Variants in RP2 observed in about 807,000 individuals in gnomAD.
The protein encoded by RP2 is RP2 activator of ARL3 GTPase.
In RP2, 3 loss-of-function variants were observed where a neutral mutation model predicts 20.3. The observed-to-expected ratio is 0.15, with a 90% CI of 0.07 to 0.38. The LOEUF (loss-of-function observed/expected upper bound fraction) is 0.38. Ranked by LOEUF, RP2 falls within the 10% of genes least tolerant of loss-of-function variation. RP2 has a pLI of 1.00. For synonymous variants in RP2, 75 were observed against 94.8 expected (o/e 0.79, Z 1.22); for missense variants, 233 against 268.5 (o/e 0.87, Z 0.92).
At chrX:46,875,804 AT>A (rs1925365889) in intron 3 of RP2, among the ~76,000 whole-genome samples, 1 of 110,810 alleles carries the variant, frequency 9.0e-6, no homozygotes, top group Non-Finnish European at 1.9e-5. Flanking sequence ...GGAATCATCT[AT>A]TTTTCTAAGA....
rs781989198 is a variant in RP2, at chrX:46,849,411, T to A, written c.103-4065T>A. Among the ~76,000 whole-genome samples the A allele has an allele frequency of 1.1e-4, 12 of 110,600 alleles. No homozygotes were observed. In the South Asian group the frequency reaches 4.6e-3, roughly 43 times the overall value. On this transcript the variant is annotated intron_variant, in intron 1 of 4. Transcript: ENST00000218340. The stretch of plus-strand genomic sequence containing the variant: ...CACCAACTCACTTCAAATAATCTGC[T>A]AAGTTTTAAAAAACTTTTTTAGAGC...
chrX:46,853,635 A>C lies in RP2; in HGVS notation c.262A>C (p.Asn88His). Residue 88 changes from asparagine to histidine, a missense_variant, in exon 2 of 5, where the codon AAC becomes CAC. Around this residue, in one of 3 missense-constraint regions of RP2, gnomAD observed 77 missense variants for 71.8 expected, o/e 1.07. Transcript: ENST00000218340. Reference protein sequence around the residue: ...SATVTIDDCTNCIIFLGPVKG... With the variant: ...SATVTIDDCTHCIIFLGPVKG... ...TACAGTTACCATTGATGACTGTACTAACTGCATAATTTTTCTGGGACCCGT... is the reference window on the plus strand; with the variant it reads ...TACAGTTACCATTGATGACTGTACTCACTGCATAATTTTTCTGGGACCCGT... The C allele has an allele frequency of 8.3e-7, 1 of 1,211,840 alleles. No individual in the cohort carries two copies. The highest frequency in any genetic ancestry group is 2.3e-4 in the Middle Eastern group (1 of 4,356).
intron 1 of RP2, among the ~76,000 whole-genome samples, chrX:46,838,730 T>C (rs1329743237): frequency 1.8e-5 from 2 of 112,481 alleles, no homozygotes; most frequent in East Asian, 5.5e-4. Flanking sequence ...CTCATGTTAA[T>C]CCTTCTTTTA....
chrX:46,858,254 T>C (rs1262293826), intron 2 of RP2, among the ~76,000 whole-genome samples: 3 of 111,722 alleles, frequency 2.7e-5, no homozygotes, highest in African/African-American at 9.8e-5. Flanking sequence ...GTTCTATGGA[T>C]TTAACAGTGA....
At chrX:46,857,350 A>C (rs905623163) in intron 2 of RP2, among the ~76,000 whole-genome samples, 2 of 111,506 alleles carry the variant, frequency 1.8e-5, no homozygotes, top group African/African-American at 6.5e-5. Context: ...TCACGAGGTC[A>C]GGAGTTCAAG....
intron 1 of RP2, among the ~76,000 whole-genome samples, chrX:46,844,824 C>A (rs908274509): frequency 2.7e-5 from 3 of 111,558 alleles, no homozygotes; most frequent in Non-Finnish European, 3.8e-5. Context: ...ATTTCTCCAC[C>A]TCCTCTCCAG....
intron 2 of RP2, among the ~76,000 whole-genome samples, chrX:46,859,533 T>A (rs1172371507): frequency 2.8e-5 from 3 of 109,053 alleles, no homozygotes; most frequent in Non-Finnish European, 5.7e-5. Flanking sequence ...AAAAGTAAAA[T>A]TAACATTATT....
At chrX:46,865,169 A>C (rs1925148890) in intron 3 of RP2, among the ~76,000 whole-genome samples, 1 of 112,068 alleles carries the variant, frequency 8.9e-6, no homozygotes, top group Admixed American at 9.5e-5. Context: ...ACTTTATTCA[A>C]ATTTTACCAG....
At chrX:46,839,565 T>A (rs906374263) in intron 1 of RP2, among the ~76,000 whole-genome samples, 6 of 109,971 alleles carry the variant, frequency 5.5e-5, no homozygotes, top group South Asian at 3.8e-4. Context: ...AAAAAAAAAA[T>A]AAATAAATAA....
rs1375742517 is a variant in RP2, at chrX:46,881,989, TTC to T, written c.*2222_*2223del. Reference sequence around the variant, plus strand: ...AACCAAAGCTTAAAATTTTGTATTCTTCTGTTAGATAAGACCTTTTACCCATT... The same window carrying T: ...AACCAAAGCTTAAAATTTTGTATTCTTGTTAGATAAGACCTTTTACCCATT... On this transcript the variant is annotated 3_prime_UTR_variant, in exon 5 of 5. Transcript: ENST00000218340. The T allele has an allele frequency of 8.9e-6, 1 of 111,972 alleles. No individual in the cohort carries two copies. Among genetic ancestry groups the T allele is most frequent in the African/African-American group, 3.2e-5 (1 of 30,851 alleles). The allele number at this position is 111,972 out of a possible 1,213,427, so 9.2% of individuals were successfully genotyped here.
At chrX:46,859,067 G>A (rs782674663) in intron 2 of RP2, among the ~76,000 whole-genome samples, 1 of 111,300 alleles carries the variant, frequency 9.0e-6, no homozygotes, top group Non-Finnish European at 1.9e-5. Flanking sequence ...TACCTACTTC[G>A]TGAGAGGGTT....
chrX:46,861,439 C>T (rs1925060132), intron 3 of RP2, among the ~76,000 whole-genome samples: 2 of 111,798 alleles, frequency 1.8e-5, no homozygotes, highest in South Asian at 3.7e-4. Flanking sequence ...GTCTTAAAAA[C>T]AAGAGATGCC....
chrX:46,859,067 G>T (rs782674663), intron 2 of RP2, among the ~76,000 whole-genome samples: 1 of 111,300 alleles, frequency 9.0e-6, no homozygotes, highest in Non-Finnish European at 1.9e-5. Context: ...TACCTACTTC[G>T]TGAGAGGGTT....
chrX:46,847,746 G>GTGTGTGTGTATATACACACA (rs1569531374), intron 1 of RP2, among the ~76,000 whole-genome samples: 7 of 79,237 alleles, frequency 8.8e-5, no homozygotes, highest in Non-Finnish European at 1.4e-4. Context: ...ACACACATAT[G>GTGTGTGTGTATATACACACA]TGTGTGTGTA....
At chrX:46,858,726 G>A (rs1925012537) in intron 2 of RP2, among the ~76,000 whole-genome samples, 3 of 111,174 alleles carry the variant, frequency 2.7e-5, no homozygotes, top group Admixed American at 1.9e-4. Flanking sequence ...TCCCACCTTG[G>A]CCTCTCAGAG....
chrX:46,864,451 A>G (rs1396146374), intron 3 of RP2, among the ~76,000 whole-genome samples: 1 of 106,321 alleles, frequency 9.4e-6, no homozygotes, highest in South Asian at 4.3e-4. Context: ...GGCTCAAGCA[A>G]TCCTCCCACC....
Position 46,854,046 on chromosome X carries a change from C to G in RP2, c.673C>G (p.Arg225Gly). The part of the protein sequence containing the change: ...EANRSIVPIS[R>G]GQRQKSSDES... ...CAATAGAAGCATTGTTCCAATATCC[C>G]GGGGTCAGAGACAGAAGAGCAGCGA... The change falls in exon 2 of 5, where the codon CGG (arginine) becomes GGG (glycine). Residue 225 changes from arginine (R) to glycine (G), a missense_variant. This residue lies in a region of RP2 where 118 missense variants were observed against 123.8 expected (regional missense o/e 0.95). Transcript: ENST00000218340. The G allele has an allele frequency of 8.3e-7, 1 of 1,211,283 alleles. No individual in the cohort carries two copies.
chrX:46,852,679 C>T (rs1380215407), intron 1 of RP2, among the ~76,000 whole-genome samples: 1 of 110,865 alleles, frequency 9.0e-6, no homozygotes, highest in African/African-American at 3.3e-5. Flanking sequence ...ACCTCCGAGG[C>T]TCAAGCTATT....
intron 1 of RP2, among the ~76,000 whole-genome samples, chrX:46,847,788 A>ATATACACACGTG (rs1491500763): frequency 1.5e-4 from 9 of 58,654 alleles, no homozygotes; most frequent in African/African-American, 8.8e-4. Context: ...ACATACACAC[A>ATATACACACGTG]TGTGTGTGTG....
Sources: allele counts gnomAD v4.1 joint callset (sites outside exome capture counted in the v4.1 genomes callset), GRCh38; gene constraint gnomAD v4.1.1; regional missense constraint gnomAD v4.1.1; transcripts MANE v1.5; gene names NCBI Gene and HGNC (gene_info 2026-07-23, HGNC 2026-07-21).